Variants in NBEAL1 observed in about 807,000 individuals in gnomAD.
The protein encoded by NBEAL1 is neurobeachin-like protein 1.
A neutral mutation model predicts 351.3 loss-of-function variants in NBEAL1; 273 were observed. That is an observed-to-expected ratio of 0.78 (90% CI 0.70 to 0.86). NBEAL1 has a LOEUF of 0.86. Among genes scored for constraint, NBEAL1 ranks in the 40% least tolerant of loss-of-function variants. The pLI, the probability that NBEAL1 is intolerant of heterozygous loss-of-function variation, is 0.00. For synonymous variants in NBEAL1, 1,050 were observed against 1,086.4 expected (o/e 0.97, Z 0.66); for missense variants, 2,961 against 3,201.3 (o/e 0.92, Z 1.81).
intron 45 of NBEAL1, 142 bp from the exon 46 acceptor site, chr2:203,190,150 A>AG: frequency 1.8e-6 from 1 of 542,734 alleles, no homozygotes; most frequent in Non-Finnish European, 3.1e-6. Context: ...AAAAAAAAAA[A>AG]GATGTGTGTA....
Position 203,070,519 on chromosome 2 carries a change from A to G in NBEAL1, c.598+2044A>G, listed in dbSNP as rs74625149. Among the ~76,000 whole-genome samples, 1,339 of 152,180 alleles carry G rather than the reference A, an allele frequency of 8.8e-3. 16 individuals carry two copies. The highest frequency in any genetic ancestry group is 0.031 in the African/African-American group (1,285 of 41,532). On this transcript the variant is annotated intron_variant, in intron 7 of 55. Coordinates refer to ENST00000683969, the MANE Select transcript of NBEAL1 (RefSeq NM_001378026.1). ...GCTGGGACTACATGAATGCACCATCATAAGCAGTGTGTTAGTTCGTTCCCA... is the reference window on the plus strand; with the variant it reads ...GCTGGGACTACATGAATGCACCATCGTAAGCAGTGTGTTAGTTCGTTCCCA...
rs1208449990 is a variant in NBEAL1 at position 203,169,388 on chromosome 2, T to TAA, written c.5998-337_5998-336dup. 7.2e-3 allele frequency among the ~76,000 whole-genome samples: 649 copies of TAA among 89,520 alleles called. 8 individuals are homozygous for TAA. Among genetic ancestry groups the TAA allele is most frequent in the East Asian group, 0.024 (74 of 3,042 alleles). The allele number at this position is 89,520 out of a possible 152,430, so 58.7% of individuals were successfully genotyped here. The stretch of plus-strand genomic sequence containing the variant: ...TAGTCACACAACTGTTTGAATATAG[T>TAA]AAAAAAAAAAAAAAAAAAAAAAACC... On this transcript the variant is annotated intron_variant, in intron 38 of 55. Coordinates refer to ENST00000683969, the MANE Select transcript of NBEAL1 (RefSeq NM_001378026.1).
At chr2:203,063,756 A>C (rs1420051676) in intron 6 of NBEAL1, among the ~76,000 whole-genome samples, 2 of 152,152 alleles carry the variant, frequency 1.3e-5, no homozygotes, top group Non-Finnish European at 1.5e-5. Flanking sequence ...TGTGCCTCCT[A>C]CTTGTCAAAC....
chr2:203,105,083 T>C (rs1350385672), intron 12 of NBEAL1, among the ~76,000 whole-genome samples: 1 of 151,890 alleles, frequency 6.6e-6, no homozygotes, highest in Non-Finnish European at 1.5e-5. Flanking sequence ...GGTCTGGAAC[T>C]CCTGACCTCG....
chr2:203,103,481 A>T (rs1323010577), intron 12 of NBEAL1, among the ~76,000 whole-genome samples: 1 of 152,142 alleles, frequency 6.6e-6, no homozygotes. Flanking sequence ...CATGTTGGCC[A>T]GACTGGTCTT....
chr2:203,060,196 T>G (rs1443954920), intron 6 of NBEAL1, among the ~76,000 whole-genome samples: 1 of 152,004 alleles, frequency 6.6e-6, no homozygotes, highest in African/African-American at 2.4e-5. Context: ...AAGAGCAAAA[T>G]GAATTTAAAG....
Position 203,155,263 on chromosome 2 carries a change from ATTGAT to A in NBEAL1, c.5588-2433_5588-2429del, listed in dbSNP as rs1324468631. Among the ~76,000 whole-genome samples the A allele has an allele frequency of 1.2e-3, 182 of 150,336 alleles. 1 individual carries two copies. The highest frequency in any genetic ancestry group is 4.2e-3 in the African/African-American group (172 of 40,950). On this transcript the variant is annotated intron_variant, in intron 35 of 55. Transcript: ENST00000683969. ...ACCCTCTCTCAAAAAAAAAAAAAAAATTGATTTAAGAAATTTTTTTTGTCTGTACT... is the reference window on the plus strand; with the variant it reads ...ACCCTCTCTCAAAAAAAAAAAAAAAATTAAGAAATTTTTTTTGTCTGTACT...
chr2:203,141,383 T>TTTA (rs2063375899), intron 31 of NBEAL1, among the ~76,000 whole-genome samples: 1 of 94,396 alleles, frequency 1.1e-5, no homozygotes, highest in Non-Finnish European at 2.1e-5. Flanking sequence ...TTTTTTTTTT[T>TTTA]TTTTTTTTTT....
Position 203,210,978 on chromosome 2 carries a change from G to A in NBEAL1, c.7806G>A (p.Leu2602=), listed in dbSNP as rs1478755792. 2.5e-6 allele frequency: 4 copies of A among 1,586,398 alleles called. No individual in the cohort carries two copies. The highest frequency in any genetic ancestry group is 2.6e-6 in the Non-Finnish European group (3 of 1,165,794). Residue 2602 remains leucine, a synonymous_variant, in exon 54 of 56, where the codon CTG becomes CTA. Transcript: ENST00000683969. ...TTLKDKNALH[L]FSINGKYLGS... is the part of the protein sequence containing the mutation. ...TTCAGGATAAGAATGCATTACATCT[G>A]TTTTCTATAAATGGCAAGTATCTAG...
chr2:203,114,958 G>A (rs1042745611), intron 17 of NBEAL1, among the ~76,000 whole-genome samples: 2 of 151,834 alleles, frequency 1.3e-5, no homozygotes, highest in Non-Finnish European at 2.9e-5. Context: ...CGCCATGTTC[G>A]CTAGGCTGGT....
At chr2:203,039,544 C>T (rs543303162) in intron 2 of NBEAL1, among the ~76,000 whole-genome samples, 1 of 149,058 alleles carries the variant, frequency 6.7e-6, no homozygotes, top group African/African-American at 2.4e-5. Context: ...CAGGCTTGTA[C>T]CACCACACCT....
chr2:203,168,909 A>AG (rs1257929971), intron 38 of NBEAL1, among the ~76,000 whole-genome samples: 1 of 151,588 alleles, frequency 6.6e-6, no homozygotes, highest in African/African-American at 2.4e-5. Context: ...AAAAAAAAAA[A>AG]AAAAGGCAAT....
intron 46 of NBEAL1, among the ~76,000 whole-genome samples, chr2:203,192,963 C>CTTTCTT (rs1559053742): frequency 4.0e-5 from 4 of 99,338 alleles, no homozygotes; most frequent in Non-Finnish European, 4.1e-5. Flanking sequence ...TTCTTTCTTT[C>CTTTCTT]TTTTTTTTTT....
chr2:203,128,606 T>TG (rs2063001588), intron 24 of NBEAL1, among the ~76,000 whole-genome samples: 1 of 150,022 alleles, frequency 6.7e-6, no homozygotes, highest in African/African-American at 2.4e-5. Context: ...TCTTTCTTTT[T>TG]TTTTTTTTTT....
intron 33 of NBEAL1, among the ~76,000 whole-genome samples, chr2:203,146,963 G>GA (rs1231100495): frequency 2.6e-5 from 4 of 152,184 alleles, no homozygotes; most frequent in Admixed American, 2.6e-4. Context: ...AAAAGCACTT[G>GA]AAAAAACTAA....
intron 44 of NBEAL1, among the ~76,000 whole-genome samples, chr2:203,185,620 A>G (rs2064872968): frequency 6.6e-6 from 1 of 152,188 alleles, no homozygotes; most frequent in South Asian, 2.1e-4. Context: ...GTCTTGCTTG[A>G]GGTTCTCATG....
rs1351333897 is a variant in NBEAL1, at chr2:203,175,172, G to A, written c.6349G>A (p.Gly2117Arg). Residue 2117 changes from glycine to arginine, a missense_variant, in exon 42 of 56, where the codon GGA (glycine) becomes AGA (arginine). Gly to Arg is a moderately radical substitution (Grantham distance 125). Coordinates refer to ENST00000683969, the MANE Select transcript of NBEAL1 (RefSeq NM_001378026.1). ...ATATGAAAATTTTGAGGATCCTATG[G>A]GAACTATTGATAAGTTTCACTATGG... The part of the protein sequence containing the change: ...EKYENFEDPM[G>R]TIDKFHYGTH... The A allele has an allele frequency of 1.9e-6, 3 of 1,610,312 alleles. No individual in the cohort carries two copies. The highest frequency in any genetic ancestry group is 2.2e-5 in the South Asian group (2 of 90,096).
intron 8 of NBEAL1, among the ~76,000 whole-genome samples, chr2:203,080,273 A>G (rs576084716): frequency 6.6e-6 from 1 of 152,184 alleles, no homozygotes; most frequent in East Asian, 1.9e-4. Context: ...TTAGCCGGGC[A>G]TGGTGGTGGG....
At chr2:203,211,472 T>C (rs917449813) in intron 54 of NBEAL1, among the ~76,000 whole-genome samples, 6 of 152,090 alleles carry the variant, frequency 3.9e-5, no homozygotes, top group African/African-American at 1.4e-4. Flanking sequence ...AGACCTCATC[T>C]CTACTAAAAA....
Sources: gnomAD v4.1 joint callset for allele counts (sites outside exome capture counted in the v4.1 genomes callset) on GRCh38, gnomAD v4.1.1 for gene constraint, MANE v1.5 for transcripts, NCBI Gene and HGNC (gene_info 2026-07-23, HGNC 2026-07-21) for gene names.